The following P2RX7 variants were observed in gnomAD, a reference collection of about 807,000 sequenced individuals.
P2RX7 encodes P2X purinoceptor 7.
In P2RX7, 62 loss-of-function variants were observed where a neutral mutation model predicts 71.6. That is an observed-to-expected ratio of 0.87 (90% CI 0.71 to 1.07). The LOEUF is 1.07. Ranked by LOEUF, P2RX7 falls within the 50% of genes least tolerant of loss-of-function variation. P2RX7 has a pLI of 0.00. For missense variants in P2RX7, 686 were observed against 748.5 expected (o/e 0.92, Z 0.97); for synonymous variants, 299 against 283.3 (o/e 1.06, Z -0.56).
chr12:121,144,356 C>T (rs749323930), intron 1 of P2RX7, among the ~76,000 whole-genome samples: 4 of 152,118 alleles, frequency 2.6e-5, no homozygotes, highest in Non-Finnish European at 5.9e-5. Flanking sequence ...CACCAACACA[C>T]CTGGCTAATT....
rs975605585 is a variant in P2RX7 at position 121,184,930 on chromosome 12, C to G, written c.*128C>G. The G allele has an allele frequency of 1.1e-5, 8 of 706,272 alleles. No homozygotes were observed. The African/African-American group carries it at 1.4e-4, about 13-fold the overall frequency. The allele number at this position is 706,272 out of a possible 1,614,324, so 43.8% of individuals were successfully genotyped here. A position where few individuals can be genotyped will look rare whatever the true frequency, so the allele number is the denominator to read the frequency against. ...CGAAATCCTGTCTGTACTAAAAATA[C>G]AAAAATCAGCCAGACATGGTGGCAT... is the stretch of plus-strand genomic sequence containing the variant. On this transcript the variant is annotated 3_prime_UTR_variant, in exon 13 of 13. Coordinates refer to ENST00000328963, the MANE Select transcript of P2RX7 (RefSeq NM_002562.6).
chr12:121,175,317 A>AAAAAAAAC, intron 8 of P2RX7, 71 bp from the exon 9 acceptor site: 1 of 925,728 alleles, frequency 1.1e-6, no homozygotes, highest in Non-Finnish European at 1.7e-6. Context: ...TCTCAAAAAA[A>AAAAAAAAC]AAAAAAAAAA....
At chr12:121,150,915 G>GT (rs1304550136) in intron 1 of P2RX7, among the ~76,000 whole-genome samples, 2 of 152,108 alleles carry the variant, frequency 1.3e-5, no homozygotes, top group Non-Finnish European at 2.9e-5. Context: ...TCTCAAATAA[G>GT]TAATAAATAA....
At chr12:121,136,024 A>AAAAAAATATATATG (rs1555222075) in intron 1 of P2RX7, among the ~76,000 whole-genome samples, 3 of 11,666 alleles carry the variant, frequency 2.6e-4, no homozygotes, top group African/African-American at 3.2e-4. Context: ...AAAAAAAAAA[A>AAAAAAATATATATG]TATATATATA....
intron 1 of P2RX7, among the ~76,000 whole-genome samples, chr12:121,138,047 C>T (rs1292498679): frequency 6.6e-6 from 1 of 152,220 alleles, no homozygotes; most frequent in African/African-American, 2.4e-5. Flanking sequence ...TGTTGGAGGT[C>T]TGTGTAGATA....
intron 9 of P2RX7, among the ~76,000 whole-genome samples, chr12:121,175,733 G>C (rs1439313994): frequency 1.3e-5 from 2 of 152,154 alleles, no homozygotes; most frequent in African/African-American, 4.8e-5. Context: ...TAACAAGAGA[G>C]AGAAAGAAAT....
At chr12:121,161,036 T>C in intron 4 of P2RX7, 62 bp downstream of exon 4, 2 of 1,253,708 alleles carry the variant, frequency 1.6e-6, no homozygotes, top group Non-Finnish European at 2.3e-6. Flanking sequence ...TGGTGACATT[T>C]GTGATGCCCA....
Position 121,180,266 on chromosome 12 carries a change from G to A in P2RX7, c.1189-88G>A, listed in dbSNP as rs113277327. On this transcript the variant is annotated intron_variant, in intron 11 of 12. Coordinates refer to ENST00000328963, the MANE Select transcript of P2RX7 (RefSeq NM_002562.6). ...AGCTTGTTCAATAGTCTATCATTTGGCAAATAGGAATTACAGTTGCCTTTA... is the reference window on the plus strand; with the variant it reads ...AGCTTGTTCAATAGTCTATCATTTGACAAATAGGAATTACAGTTGCCTTTA... 144 of 607,338 alleles carry A rather than the reference G, an allele frequency of 2.4e-4. 2 individuals are homozygous for A. Among genetic ancestry groups the A allele is most frequent in the African/African-American group, 2.1e-3 (111 of 53,218 alleles). 37.6% of individuals were successfully genotyped at this position (607,338 alleles called of 1,614,324 possible). A position where few individuals can be genotyped will look rare whatever the true frequency, so the allele number is the denominator to read the frequency against.
At chr12:121,144,740 G>A (rs1301144377) in intron 1 of P2RX7, among the ~76,000 whole-genome samples, 3 of 152,172 alleles carry the variant, frequency 2.0e-5, no homozygotes, top group Non-Finnish European at 2.9e-5. Context: ...GACTGGGGAG[G>A]TGATAGAGGC....
chr12:121,180,483 T>C, intron 12 of P2RX7, 28 bp downstream of exon 12: 1 of 1,280,890 alleles, frequency 7.8e-7, no homozygotes, highest in Non-Finnish European at 1.1e-6. Flanking sequence ...GTCTTTTTTT[T>C]TTTTTTAAGA....
intron 2 of P2RX7, among the ~76,000 whole-genome samples, chr12:121,155,558 G>C (rs1054095648): frequency 6.6e-5 from 10 of 152,076 alleles, no homozygotes; most frequent in African/African-American, 1.9e-4. Flanking sequence ...GGGACAAAGG[G>C]GCACGTTTGC....
chr12:121,184,740 AG>A lies in P2RX7; in HGVS notation c.1728del (p.Ile577SerfsTer29). ...FAILPSCCRW[R>X]IRKEFPKSEG... ...CATCCTGCCCAGCTGCTGCCGCTGG[AG>A]GATCCGGAAAGAGTTTCCGAAGAGT... On this transcript the variant is annotated frameshift_variant, in exon 13 of 13. Coordinates refer to ENST00000328963, the MANE Select transcript of P2RX7 (RefSeq NM_002562.6). LOFTEE classifies it high-confidence loss of function. 2 of 1,556,618 alleles carry A rather than the reference AG, an allele frequency of 1.3e-6. No individual in the cohort carries two copies. The highest frequency in any genetic ancestry group is 1.7e-6 in the Non-Finnish European group (2 of 1,149,596).
rs372282286 is a variant in P2RX7 at position 121,138,468 on chromosome 12, T to A, written c.125+5373T>A. Among the ~76,000 whole-genome samples, 4 of 152,312 alleles carry A rather than the reference T, an allele frequency of 2.6e-5. No individual in the cohort carries two copies. In the East Asian group the frequency reaches 5.8e-4, roughly 22 times the overall value. On this transcript the variant is annotated intron_variant, in intron 1 of 12. Transcript: ENST00000328963. ...CACTGTGGCCAGGGCCAAGGTGTCA[T>A]CCCATTGGCCAGCCTGGGTCATGTG... is the stretch of plus-strand genomic sequence containing the variant.
At chr12:121,175,602 CA>C in intron 9 of P2RX7, 124 bp downstream of exon 9, 1 of 637,334 alleles carries the variant, frequency 1.6e-6, no homozygotes, top group Non-Finnish European at 3.0e-6. Context: ...GCATTTCGCA[CA>C]TGGGATAAAA....
intron 12 of P2RX7, among the ~76,000 whole-genome samples, chr12:121,181,715 G>C (rs953286428): frequency 1.3e-5 from 2 of 152,046 alleles, no homozygotes; most frequent in African/African-American, 2.4e-5. Flanking sequence ...AAAATAGCCA[G>C]GCATGGTGGC....
At chr12:121,177,061 C>G (rs1883274054) in intron 9 of P2RX7, 86 bp from the exon 10 acceptor site, 1 of 1,184,086 alleles carries the variant, frequency 8.4e-7, no homozygotes, top group East Asian at 2.4e-5. Context: ...AGGCTCCGCT[C>G]CCTGATAGAA....
chr12:121,145,837 TA>T (rs1389027033), intron 1 of P2RX7, among the ~76,000 whole-genome samples: 1 of 152,008 alleles, frequency 6.6e-6, no homozygotes, highest in Non-Finnish European at 1.5e-5. Context: ...GACTCAGCTA[TA>T]AAGAAGAGAG....
intron 11 of P2RX7, 54 bp downstream of exon 11, chr12:121,177,500 A>G: frequency 6.4e-7 from 1 of 1,559,380 alleles, no homozygotes; most frequent in East Asian, 2.2e-5. Flanking sequence ...CCATGAAATC[A>G]CTCAGAAATG....
Position 121,154,281 on chromosome 12 carries a change from A to T in P2RX7, c.126-504A>T, listed in dbSNP as rs1878109244. 6.7e-6 allele frequency among the ~76,000 whole-genome samples: 1 copy of T among 148,434 alleles called. No individual in the cohort carries two copies. Among genetic ancestry groups the T allele is most frequent in the South Asian group, 2.2e-4 (1 of 4,570 alleles). ...CTCCAGTCTGGGCAACAAGAGCAAA[A>T]CTCTGTTTCAAAAAAAAAAAAAGAG... On this transcript the variant is annotated intron_variant, in intron 1 of 12. Coordinates refer to ENST00000328963, the MANE Select transcript of P2RX7 (RefSeq NM_002562.6). The surrounding 1 kb of genome is among the most constrained non-coding windows in gnomAD (Gnocchi z 4.2).
Sources: gnomAD v4.1 joint callset for allele counts (sites outside exome capture counted in the v4.1 genomes callset) on GRCh38, gnomAD v4.1.1 for gene constraint, Gnocchi (gnomAD v3.1) non-coding constraint, MANE v1.5 for transcripts, NCBI Gene and HGNC (gene_info 2026-07-23, HGNC 2026-07-21) for gene names.